RGPD2: variants seen among roughly 807,000 people sequenced by gnomAD.
RGPD2 encodes RANBP2 like and GRIP domain containing 2.
A neutral mutation model predicts 36.0 loss-of-function variants in RGPD2; 2 were observed. The ratio of observed to expected loss-of-function variants is 0.06; its 90% CI spans 0.02 to 0.17. The LOEUF (loss-of-function observed/expected upper bound fraction) is 0.17, where lower values mean the gene tolerates loss of function less well. Ranked by LOEUF, RGPD2 falls within the 10% of genes least tolerant of loss-of-function variation. RGPD2 has a pLI of 1.00. For synonymous variants in RGPD2, 19 were observed against 163.8 expected (o/e 0.12, Z 6.75); for missense variants, 40 against 464.3 (o/e 0.09, Z 8.40).
the RGPD2 span, among the ~76,000 whole-genome samples, chr2:87,961,521 C>T: frequency 2.0e-5 from 3 of 151,654 alleles, no homozygotes; most frequent in Non-Finnish European, 4.4e-5. Flanking sequence ...GCCAACATGG[C>T]GAAAGCCCAT....
the RGPD2 span, among the ~76,000 whole-genome samples, chr2:87,877,152 AT>A: frequency 8.6e-5 from 13 of 151,932 alleles, no homozygotes; most frequent in Non-Finnish European, 1.6e-4. Flanking sequence ...TTGACTCTTT[AT>A]CTAGCTTGCC....
the RGPD2 span, among the ~76,000 whole-genome samples, chr2:87,973,464 AG>A: frequency 1.5e-5 from 2 of 132,306 alleles, no homozygotes; most frequent in South Asian, 4.9e-4. Context: ...CTTCCAGTGA[AG>A]GGGACATCCC....
At chr2:87,809,132 C>G (rs1360586893) in intron 6 of RGPD2, among the ~76,000 whole-genome samples, 6 of 145,856 alleles carry the variant, frequency 4.1e-5, no homozygotes, top group Non-Finnish European at 7.6e-5. Flanking sequence ...AGTGAAACCC[C>G]ATCTCTACTA....
At chr2:87,941,541 ACT>A in the RGPD2 span, among the ~76,000 whole-genome samples, 2 of 75,166 alleles carry the variant, frequency 2.7e-5, no homozygotes, top group Non-Finnish European at 5.1e-5. Context: ...AAAATGGGAA[ACT>A]CTGCAGCTGT....
chr2:87,947,450 G>A, the RGPD2 span, among the ~76,000 whole-genome samples: 2 of 152,104 alleles, frequency 1.3e-5, no homozygotes, highest in African/African-American at 4.8e-5. Flanking sequence ...CTGCATCAGG[G>A]CTTCCTTCGG....
chr2:87,825,446 G>GC (rs1326156397), intron 1 of RGPD2, among the ~76,000 whole-genome samples: 2 of 101,148 alleles, frequency 2.0e-5, no homozygotes, highest in Admixed American at 9.6e-5. Flanking sequence ...CCGCCGCCCG[G>GC]CCAGGCCGAG....
the RGPD2 span, among the ~76,000 whole-genome samples, chr2:87,865,170 C>T: frequency 6.6e-6 from 1 of 151,898 alleles, no homozygotes; most frequent in Non-Finnish European, 1.5e-5. Context: ...TACCTCAGCT[C>T]TGTTATTATT....
intron 1 of RGPD2, chr2:87,825,289 A>C (rs2104382820): frequency 2.6e-6 from 1 of 389,550 alleles, no homozygotes; most frequent in East Asian, 3.7e-5. Context: ...CATACACAAC[A>C]CTAAAGGGCG....
At chr2:87,866,896 C>G in the RGPD2 span, among the ~76,000 whole-genome samples, 1 of 152,388 alleles carries the variant, frequency 6.6e-6, no homozygotes, top group South Asian at 2.1e-4. Context: ...AGAGGTCCGG[C>G]TTTGTCCGAG....
At chr2:87,874,122 T>A in the RGPD2 span, among the ~76,000 whole-genome samples, 1 of 144,754 alleles carries the variant, frequency 6.9e-6, no homozygotes, top group East Asian at 1.9e-4. Context: ...ACTAGACCTT[T>A]GTTAGATGGA....
the RGPD2 span, among the ~76,000 whole-genome samples, chr2:87,927,995 TTA>T: frequency 9.6e-6 from 1 of 104,066 alleles, no homozygotes; most frequent in Non-Finnish European, 1.9e-5. Context: ...TAACTGTTCC[TTA>T]TATTTTAGAA....
the RGPD2 span, among the ~76,000 whole-genome samples, chr2:87,919,921 G>A: frequency 2.0e-5 from 3 of 151,904 alleles, no homozygotes; most frequent in South Asian, 4.1e-4. Flanking sequence ...CTATATTATC[G>A]TGGTAAATCA....
At chr2:87,887,281 C>A in the RGPD2 span, among the ~76,000 whole-genome samples, 1 of 151,562 alleles carries the variant, frequency 6.6e-6, no homozygotes, top group Non-Finnish European at 1.5e-5. Flanking sequence ...TCTTATTGAT[C>A]GAAACCGCAG....
chr2:87,886,463 T>TA, the RGPD2 span, among the ~76,000 whole-genome samples: 1 of 151,774 alleles, frequency 6.6e-6, no homozygotes, highest in African/African-American at 2.4e-5. Context: ...TCTGTGCACT[T>TA]ACGTTAAGTG....
the RGPD2 span, among the ~76,000 whole-genome samples, chr2:87,953,122 G>C: frequency 6.6e-6 from 1 of 151,998 alleles, no homozygotes; most frequent in African/African-American, 2.4e-5. Flanking sequence ...ATAAGATTCA[G>C]CTTTTGAAAC....
chr2:87,812,924 C>T (rs1255213280), intron 4 of RGPD2, among the ~76,000 whole-genome samples: 1 of 151,420 alleles, frequency 6.6e-6, no homozygotes, highest in East Asian at 2.0e-4. Context: ...TCATGTTATC[C>T]TCTACTCCAA....
chr2:87,945,268 A>G, the RGPD2 span, among the ~76,000 whole-genome samples: 1 of 152,226 alleles, frequency 6.6e-6, no homozygotes, highest in South Asian at 2.1e-4. Context: ...GAAATGAACA[A>G]ATTAAATCTA....
chr2:87,825,146 T>C (rs1686648844), intron 1 of RGPD2: 1 of 390,984 alleles, frequency 2.6e-6, no homozygotes, highest in Non-Finnish European at 4.5e-6. Context: ...CCCACAATCC[T>C]AGGTCTGCCC....
Position 87,824,720 on chromosome 2 carries a change from CGCCGCCGCCCGGCCAGGCCGAG to C in RGPD2, c.72+916_72+937del, listed in dbSNP as rs1449638942. The stretch of plus-strand genomic sequence containing the variant: ...GAGGTGAGGCCGAGGCCGAGGCCGC[CGCCGCCGCCCGGCCAGGCCGAG>C]GCCGCCGCCGCCGCCGCCGCCGCCG... On this transcript the variant is annotated intron_variant, in intron 1 of 22. Coordinates refer to ENST00000398146, the MANE Select transcript of RGPD2 (RefSeq NM_001078170.3). Among the ~76,000 whole-genome samples the C allele has an allele frequency of 1.2e-3, 146 of 120,344 alleles. 2 individuals are homozygous for C. The highest frequency in any genetic ancestry group is 2.1e-3 in the Non-Finnish European group (108 of 51,298). The allele number at this position is 120,344 out of a possible 152,430, so 79.0% of individuals were successfully genotyped here. A position where few individuals can be genotyped will look rare whatever the true frequency, so the allele number is the denominator to read the frequency against.
Sources: allele counts gnomAD v4.1 joint callset (sites outside exome capture counted in the v4.1 genomes callset), GRCh38; gene constraint gnomAD v4.1.1; transcripts MANE v1.5; gene names NCBI Gene and HGNC (gene_info 2026-07-23, HGNC 2026-07-21).